Variants in PPL observed in about 807,000 individuals in gnomAD.
The protein encoded by PPL is periplakin.
In PPL, 198 loss-of-function variants were observed where a neutral mutation model predicts 194.4. The observed-to-expected ratio is 1.02, with a 90% confidence interval of 0.91 to 1.15. The LOEUF is 1.15. Among genes scored for constraint, PPL ranks in the 50% most tolerant of loss-of-function variants. The pLI is 0.00. For missense variants in PPL, 2,885 were observed against 2,294.8 expected (o/e 1.26, Z -5.25); for synonymous variants, 1,220 against 972.4 (o/e 1.25, Z -4.74).
At chr16:4,893,913 C>T (rs1347924181) in intron 12 of PPL, 1 of 516,208 alleles carries the variant, frequency 1.9e-6, no homozygotes, top group East Asian at 3.2e-5. Context: ...GGAGCATACA[C>T]AGTAGGTGCT....
chr16:4,925,395 T>G (rs895329846), intron 1 of PPL, among the ~76,000 whole-genome samples: 1 of 152,098 alleles, frequency 6.6e-6, no homozygotes, highest in Non-Finnish European at 1.5e-5. Context: ...GTAACAACAC[T>G]GAGGGCACCT....
intron 9 of PPL, among the ~76,000 whole-genome samples, chr16:4,896,183 C>T (rs1051718366): frequency 6.6e-6 from 1 of 152,202 alleles, no homozygotes; most frequent in African/African-American, 2.4e-5. Flanking sequence ...TGGGCTGCAG[C>T]CATAAACAGG....
At chr16:4,896,925 G>C (rs977377246) in intron 9 of PPL, among the ~76,000 whole-genome samples, 7 of 151,916 alleles carry the variant, frequency 4.6e-5, no homozygotes, top group Admixed American at 1.3e-4. Context: ...ATGAGCTACC[G>C]TGCCCAGCCA....
intron 1 of PPL, among the ~76,000 whole-genome samples, chr16:4,925,934 G>C (rs1349176952): frequency 6.6e-6 from 1 of 152,170 alleles, no homozygotes; most frequent in African/African-American, 2.4e-5. Context: ...ATTTTCATCA[G>C]TACAATTAAT....
intron 1 of PPL, among the ~76,000 whole-genome samples, chr16:4,913,142 G>C (rs894487003): frequency 6.6e-6 from 1 of 151,706 alleles, no homozygotes; most frequent in Admixed American, 6.6e-5. Context: ...AGTCTTGAAA[G>C]CAGACTGGCC....
At chr16:4,917,009 G>A (rs2088932171) in intron 1 of PPL, among the ~76,000 whole-genome samples, 1 of 152,030 alleles carries the variant, frequency 6.6e-6, no homozygotes, top group Admixed American at 6.6e-5. Flanking sequence ...GTATGTGCCT[G>A]TAATCCCATC....
At chr16:4,934,959 C>G (rs1362880139) in intron 1 of PPL, among the ~76,000 whole-genome samples, 1 of 152,164 alleles carries the variant, frequency 6.6e-6, no homozygotes, top group African/African-American at 2.4e-5. Flanking sequence ...TGTGCTCATT[C>G]TGTGCTGGGG....
In PPL at chr16:4,891,949, C is replaced by T; in HGVS notation, c.1830G>A (p.Lys610=). ...LLQLLDLAQE[K]VDVANRLEKS... is the part of the protein sequence containing the mutation. ...TCTCCAGGCGGTTGGCCACATCAAC[C>T]CTGAGAGCACCAATCAGGCGTCGGG... Residue 610 remains lysine, a splice_region_variant and synonymous_variant, in exon 16 of 22, where the codon AAG becomes AAA. Coordinates refer to ENST00000345988, the MANE Select transcript of PPL (RefSeq NM_002705.5). 1.2e-6 allele frequency: 2 copies of T among 1,612,322 alleles called. No individual in the cohort carries two copies. The highest frequency in any genetic ancestry group is 2.7e-5 in the African/African-American group (2 of 75,036).
Position 4,884,238 on chromosome 16 carries a change from G to A in PPL, c.4417C>T (p.Arg1473Trp), listed in dbSNP as rs150902220. Reference protein sequence around the residue: ...RLQLEEEQHRRQLLEGELETL... With the variant: ...RLQLEEEQHRWQLLEGELETL... The stretch of plus-strand genomic sequence containing the variant: ...TCGAGCTCCCCCTCCAGGAGCTGCC[G>A]CCGGTGCTGCTCTTCTTCCAGCTGG... The change falls in exon 22 of 22, where the codon CGG becomes TGG. Residue 1473 changes from arginine to tryptophan, a missense_variant. Transcript: ENST00000345988. This position sits in a 1 kb window ranked among gnomAD's most constrained non-coding sequence, Gnocchi z 5.7. 1.5e-5 allele frequency: 25 copies of A among 1,613,466 alleles called. No individual in the cohort carries two copies. Among genetic ancestry groups the A allele is most frequent in the Non-Finnish European group, 2.0e-5 (24 of 1,179,912 alleles).
chr16:4,883,909 G>T lies in PPL; in HGVS notation c.4746C>A (p.Leu1582=). 1 of 1,613,890 alleles carries T rather than the reference G, an allele frequency of 6.2e-7. No homozygotes were observed. The highest frequency in any genetic ancestry group is 1.7e-4 in the Middle Eastern group (1 of 6,060). ...TCGCTGCCATGTTGATTTCCGATTG[G>T]AGCCTTCGGGTCTCCAGCTGCAGGT... ...RQNLQLETRR[L]QSEINMAATE... The change falls in exon 22 of 22, where the codon CTC becomes CTA. Residue 1582 remains leucine, a synonymous_variant. Coordinates refer to ENST00000345988, the MANE Select transcript of PPL (RefSeq NM_002705.5). This position sits in a 1 kb window ranked among gnomAD's most constrained non-coding sequence, Gnocchi z 4.8.
intron 2 of PPL, 21 bp from the exon 3 acceptor site, chr16:4,904,061 G>T: frequency 6.2e-7 from 1 of 1,607,296 alleles, no homozygotes; most frequent in Non-Finnish European, 8.5e-7. Flanking sequence ...CACAAGAGAG[G>T]GGACAATGAA....
In PPL at chr16:4,897,747, T is replaced by C. The variant is rs61734748; in HGVS notation, c.900A>G (p.Ala300=). Reference sequence around the variant, plus strand: ...GCAGGTTCAGGTACTCCTTCCAGTCTGCGTGCACAGCCTCCATGTGCGCCT... The same window carrying C: ...GCAGGTTCAGGTACTCCTTCCAGTCCGCGTGCACAGCCTCCATGTGCGCCT... ...SIEAHMEAVH[A]DWKEYLNLLI... The change falls in exon 9 of 22, where the codon GCA becomes GCG. Residue 300 remains alanine, a synonymous_variant. Transcript: ENST00000345988. 0.017 allele frequency: 26,832 copies of C among 1,613,770 alleles called. 280 individuals carry two copies. Among genetic ancestry groups the C allele is most frequent in the Middle Eastern group, 0.032 (190 of 5,914 alleles).
At chr16:4,910,972 G>T in intron 1 of PPL, 23 bp from the exon 2 acceptor site, 1 of 1,598,152 alleles carries the variant, frequency 6.3e-7, no homozygotes, top group Non-Finnish European at 8.5e-7. Context: ...GCCGAGGGGA[G>T]ATGGGCGGGG....
chr16:4,934,268 C>T (rs75678314), intron 1 of PPL, among the ~76,000 whole-genome samples: 7,366 of 152,162 alleles, frequency 0.048, 543 homozygotes, highest in African/African-American at 0.16. Context: ...GCTTCAGCTG[C>T]TAAAAGGCAG....
chr16:4,899,837 C>G (rs1040834683), intron 6 of PPL, among the ~76,000 whole-genome samples: 2 of 152,132 alleles, frequency 1.3e-5, no homozygotes, highest in Non-Finnish European at 2.9e-5. Flanking sequence ...GTATCATGAT[C>G]GTCTTATAGA....
Position 4,899,895 on chromosome 16 carries a change from G to C in PPL, c.607-511C>G, listed in dbSNP as rs557448802. Among the ~76,000 whole-genome samples, 10 of 152,322 alleles carry C rather than the reference G, an allele frequency of 6.6e-5. No homozygotes were observed. The South Asian group carries it at 2.1e-3, about 32-fold the overall frequency. On this transcript the variant is annotated intron_variant, in intron 6 of 21. Transcript: ENST00000345988. Reference sequence around the variant, plus strand: ...GTACGTCTGAGAAGCGGGTGTGCAAGGGAAAGGAGGGATGTTTGCATTTTG... The same window carrying C: ...GTACGTCTGAGAAGCGGGTGTGCAACGGAAAGGAGGGATGTTTGCATTTTG...
At position 4,899,030 on chromosome 16, in the gene PPL, C is replaced by T. The variant is rs374651720; in HGVS notation, c.859G>A (p.Gly287Arg). Reference protein sequence around the residue: ...GDQLLAAEHPGRNSIEAHMEA... With the variant: ...GDQLLAAEHPRRNSIEAHMEA... Reference sequence around the variant, plus strand: ...GCATGAACCTCAATGGAGTTCCTCCCGGGGTGCTCGGCCGCCAGCAGCTGG... The same window carrying T: ...GCATGAACCTCAATGGAGTTCCTCCTGGGGTGCTCGGCCGCCAGCAGCTGG... Residue 287 changes from glycine (G) to arginine (R), a missense_variant, in exon 8 of 22, where the codon GGG becomes AGG. Gly to Arg is a moderately radical substitution (Grantham distance 125). Transcript: ENST00000345988. 7.3e-5 allele frequency: 118 copies of T among 1,613,456 alleles called. No individual in the cohort carries two copies. Among genetic ancestry groups the T allele is most frequent in the Non-Finnish European group, 9.4e-5 (111 of 1,179,940 alleles).
chr16:4,903,092 T>C (rs2088610007), intron 3 of PPL, among the ~76,000 whole-genome samples: 1 of 152,150 alleles, frequency 6.6e-6, no homozygotes, highest in Admixed American at 6.5e-5. Context: ...GATCTTGTTT[T>C]CTGGAGTCTG....
chr16:4,892,280 A>G, intron 14 of PPL, 67 bp from the exon 15 acceptor site: 1 of 1,524,962 alleles, frequency 6.6e-7, no homozygotes, highest in South Asian at 1.2e-5. Context: ...GGATGTGCCC[A>G]GGGTGAGCAC....
Sources: allele counts gnomAD v4.1 joint callset (sites outside exome capture counted in the v4.1 genomes callset), GRCh38; gene constraint gnomAD v4.1.1; non-coding constraint Gnocchi (gnomAD v3.1); transcripts MANE v1.5; gene names NCBI Gene and HGNC (gene_info 2026-07-23, HGNC 2026-07-21).